The following DACH2 variants were observed in gnomAD, a reference collection of about 807,000 sequenced individuals.
The protein encoded by DACH2 is dachshund homolog 2.
Under a neutral mutation model 35.8 loss-of-function variants are expected in DACH2, and 17 were observed. That is an observed-to-expected ratio of 0.48 (90% confidence interval 0.33 to 0.71). DACH2 has a LOEUF of 0.71. DACH2 is among the 30% of genes least tolerant of loss of function. The pLI, the probability that DACH2 is intolerant of heterozygous loss-of-function variation, is 0.02. For synonymous variants in DACH2, 195 were observed against 177.3 expected (o/e 1.10, Z -0.79); for missense variants, 469 against 472.7 (o/e 0.99, Z 0.07).
chrX:86,656,910 A>G (rs2148411596), intron 4 of DACH2, among the ~76,000 whole-genome samples: 1 of 99,140 alleles, frequency 1.0e-5, no homozygotes, highest in African/African-American at 3.8e-5. Flanking sequence ...GTGTTCAGCC[A>G]TAAAAATATA....
intron 4 of DACH2, among the ~76,000 whole-genome samples, chrX:86,664,421 G>A (rs752816358): frequency 1.8e-5 from 2 of 111,100 alleles, no homozygotes; most frequent in Non-Finnish European, 3.8e-5. Context: ...AAAGGAATGA[G>A]GAAAAGCATC....
chrX:86,410,449 G>C (rs1181382395), intron 2 of DACH2, among the ~76,000 whole-genome samples: 1 of 111,662 alleles, frequency 9.0e-6, no homozygotes, highest in Non-Finnish European at 1.9e-5. Context: ...TTTTGGTCTT[G>C]TGAATTTTAA....
At chrX:86,395,879 T>A (rs1341077488) in intron 2 of DACH2, among the ~76,000 whole-genome samples, 3 of 111,696 alleles carry the variant, frequency 2.7e-5, no homozygotes, top group African/African-American at 9.8e-5. Flanking sequence ...GCAGCATGAT[T>A]TATAATCCTT....
chrX:86,594,232 C>T lies in DACH2; in HGVS notation c.641-56804C>T, dbSNP rs145151820. Among the ~76,000 whole-genome samples the T allele has an allele frequency of 2.1e-4, 23 of 110,197 alleles. 1 individual carries two copies. In the East Asian group the frequency reaches 5.7e-3, roughly 28 times the overall value. On this transcript the variant is annotated intron_variant, in intron 3 of 11. Coordinates refer to ENST00000373125, the MANE Select transcript of DACH2 (RefSeq NM_053281.3). ...TTTATATTAGTAATTTATGTGATACCTCTTTTGTTTTCTTAGTTATCTTGT... is the reference window on the plus strand; with the variant it reads ...TTTATATTAGTAATTTATGTGATACTTCTTTTGTTTTCTTAGTTATCTTGT...
intron 3 of DACH2, among the ~76,000 whole-genome samples, chrX:86,546,779 G>A (rs192767546): frequency 7.9e-4 from 87 of 109,672 alleles, no homozygotes; most frequent in African/African-American, 2.8e-3. Context: ...CTCCCAAAGT[G>A]CTGGAATTAC....
chrX:86,442,355 T>G (rs185893733), intron 2 of DACH2, among the ~76,000 whole-genome samples: 3,824 of 71,297 alleles, frequency 0.054, 258 homozygotes, highest in African/African-American at 0.2. Context: ...AAGTAGTATT[T>G]TGTGTGTGTG....
At chrX:86,621,980 T>A (rs1370138062) in intron 3 of DACH2, among the ~76,000 whole-genome samples, 1 of 111,782 alleles carries the variant, frequency 8.9e-6, no homozygotes, top group Admixed American at 9.5e-5. Context: ...TAGGAATTAG[T>A]TTTTCAGCTC....
At chrX:86,556,781 TATATATATATATATAGAGAG>T (rs1359370161) in intron 3 of DACH2, among the ~76,000 whole-genome samples, 13 of 62,930 alleles carry the variant, frequency 2.1e-4, no homozygotes, top group African/African-American at 4.5e-4. Flanking sequence ...TATATATATA[TATATATATATATATAGAGAG>T]AGAGAGAGAG....
intron 2 of DACH2, among the ~76,000 whole-genome samples, chrX:86,446,419 T>C (rs181292769): frequency 0.11 from 7,025 of 65,838 alleles, 836 homozygotes; most frequent in African/African-American, 0.31. Context: ...GCATTAGGTA[T>C]ATCTCCCAAT....
chrX:86,559,577 G>A (rs1423022911), intron 3 of DACH2, among the ~76,000 whole-genome samples: 2 of 39,283 alleles, frequency 5.1e-5, no homozygotes, highest in Admixed American at 3.2e-4. Flanking sequence ...GGGAGTCTAA[G>A]TCTCTTTGTA....
intron 1 of DACH2, among the ~76,000 whole-genome samples, chrX:86,302,286 G>T (rs992439726): frequency 4.5e-5 from 5 of 111,146 alleles, no homozygotes; most frequent in Non-Finnish European, 9.4e-5. Context: ...CTAATAATAG[G>T]TTTATGCATG....
chrX:86,435,562 T>C (rs5968924), intron 2 of DACH2, among the ~76,000 whole-genome samples: 22,788 of 111,088 alleles, frequency 0.21, 2,037 homozygotes, highest in African/African-American at 0.33. Flanking sequence ...AAAGTTTGAT[T>C]TCAAAAAAAT....
chrX:86,738,689 A>G (rs1289453698), intron 6 of DACH2, among the ~76,000 whole-genome samples: 1 of 111,810 alleles, frequency 8.9e-6, no homozygotes, highest in Non-Finnish European at 1.9e-5. Context: ...TCAGTGTTTT[A>G]TAGCAATTTT....
intron 2 of DACH2, among the ~76,000 whole-genome samples, chrX:86,475,129 T>A (rs942985809): frequency 9.0e-6 from 1 of 111,709 alleles, no homozygotes; most frequent in African/African-American, 3.3e-5. Flanking sequence ...CCAATTTTGT[T>A]GTTTTTACTC....
chrX:86,400,891 T>C (rs755376094), intron 2 of DACH2, among the ~76,000 whole-genome samples: 14 of 112,235 alleles, frequency 1.2e-4, no homozygotes, highest in African/African-American at 4.5e-4. Flanking sequence ...GCAGAAGCAC[T>C]ACTCTCTTCA....
At chrX:86,826,363 T>G (rs1267823722) in intron 11 of DACH2, among the ~76,000 whole-genome samples, 1 of 111,796 alleles carries the variant, frequency 8.9e-6, no homozygotes, top group African/African-American at 3.2e-5. Context: ...TGACCTATCC[T>G]GATCTTCATT....
chrX:86,292,295 G>T (rs1430075934), intron 1 of DACH2, among the ~76,000 whole-genome samples: 1 of 98,349 alleles, frequency 1.0e-5, no homozygotes, highest in Non-Finnish European at 2.0e-5. Context: ...TTTTTATTGC[G>T]TTGATTTGAT....
chrX:86,442,448 AC>A (rs2037184561), intron 2 of DACH2, among the ~76,000 whole-genome samples: 1 of 98,126 alleles, frequency 1.0e-5, no homozygotes, highest in Non-Finnish European at 2.0e-5. Flanking sequence ...CTGGATATTA[AC>A]CCCTTGTCAG....
At chrX:86,771,097 G>T in intron 7 of DACH2, among the ~76,000 whole-genome samples, 1 of 113,081 alleles carries the variant, frequency 8.8e-6, no homozygotes, top group Non-Finnish European at 1.9e-5. Context: ...TTGCTTAAAA[G>T]CGAGGCTTGT....
Sources: gnomAD v4.1 joint callset for allele counts (sites outside exome capture counted in the v4.1 genomes callset) on GRCh38, gnomAD v4.1.1 for gene constraint, MANE v1.5 for transcripts, NCBI Gene and HGNC (gene_info 2026-07-23, HGNC 2026-07-21) for gene names.